CSMD3: variants seen among roughly 807,000 people sequenced by gnomAD.
The protein encoded by CSMD3 is CUB and sushi domain-containing protein 3.
Under a neutral mutation model 435.2 loss-of-function variants are expected in CSMD3, and 177 were observed. The ratio of observed to expected loss-of-function variants is 0.41; its 90% CI spans 0.36 to 0.46. CSMD3 has a LOEUF of 0.46. Ranked by LOEUF, CSMD3 falls within the 20% of genes least tolerant of loss-of-function variation. The pLI, the probability that CSMD3 is intolerant of heterozygous loss-of-function variation, is 0.34. For missense variants in CSMD3, 4,265 were observed against 4,504.6 expected (o/e 0.95, Z 1.52); for synonymous variants, 1,656 against 1,520.5 (o/e 1.09, Z -2.07).
chr8:112,482,358 TG>T (rs1819706537), intron 31 of CSMD3, among the ~76,000 whole-genome samples: 1 of 152,254 alleles, frequency 6.6e-6, no homozygotes. Flanking sequence ...TGACTCATTT[TG>T]TACCCCAATT....
intron 5 of CSMD3, among the ~76,000 whole-genome samples, chr8:113,059,142 C>G (rs1564265421): frequency 6.6e-6 from 1 of 152,054 alleles, no homozygotes; most frequent in Non-Finnish European, 1.5e-5. Flanking sequence ...TAGAAACTGA[C>G]AGTAAAAACG....
intron 1 of CSMD3, among the ~76,000 whole-genome samples, chr8:113,352,011 G>A (rs1379798490): frequency 6.6e-6 from 1 of 152,040 alleles, no homozygotes; most frequent in Admixed American, 6.6e-5. Flanking sequence ...ATGAATGTCT[G>A]TCTCATCTAG....
chr8:112,709,821 T>C (rs898849919), intron 13 of CSMD3, among the ~76,000 whole-genome samples: 1 of 151,962 alleles, frequency 6.6e-6, no homozygotes, highest in South Asian at 2.1e-4. Flanking sequence ...TTAGGGTTAG[T>C]GTTAGGGTTT....
At position 113,002,150 on chromosome 8, in the gene CSMD3, A is replaced by G. The variant is rs536075804; in HGVS notation, c.1030+16917T>C. 2.6e-5 allele frequency among the ~76,000 whole-genome samples: 4 copies of G among 152,248 alleles called. No homozygotes were observed. In the East Asian group the frequency reaches 7.8e-4, roughly 30 times the overall value. ...TGGTTTTTAGCACTTTTATTGTGTGAGACAATGTGCAAATTTCCTCGTCTA... is the reference window on the plus strand; with the variant it reads ...TGGTTTTTAGCACTTTTATTGTGTGGGACAATGTGCAAATTTCCTCGTCTA... On this transcript the variant is annotated intron_variant, in intron 6 of 70. Transcript: ENST00000297405.
chr8:112,376,111 C>T (rs149907404), intron 38 of CSMD3, among the ~76,000 whole-genome samples: 5 of 152,106 alleles, frequency 3.3e-5, no homozygotes, highest in African/African-American at 1.2e-4. Flanking sequence ...TTGAAGTATT[C>T]CCTGAATTTC....
chr8:112,335,443 C>A lies in CSMD3; in HGVS notation c.7051G>T (p.Gly2351Cys), dbSNP rs1039206813. 3.7e-6 allele frequency: 6 copies of A among 1,613,872 alleles called. No individual in the cohort carries two copies. The highest frequency in any genetic ancestry group is 2.2e-5 in the East Asian group (1 of 44,836). ...DGPDQNSPQI[G>C]QFSGNTALES... The stretch of plus-strand genomic sequence containing the variant: ...AAAGCGGTATTGCCACTGAACTGAC[C>A]GATCTGAGGTGAATTTTGGTCTGGT... The change falls in exon 45 of 71, where the codon GGT (glycine) becomes TGT (cysteine). Residue 2351 changes from glycine to cysteine, a missense_variant. Physicochemically the swap from Gly to Cys is radical, Grantham distance 159. Coordinates refer to ENST00000297405, the MANE Select transcript of CSMD3 (RefSeq NM_198123.2).
intron 4 of CSMD3, among the ~76,000 whole-genome samples, chr8:113,123,674 T>A (rs1292288158): frequency 6.6e-6 from 1 of 152,004 alleles, no homozygotes; most frequent in Non-Finnish European, 1.5e-5. Flanking sequence ...GCATCAGGAA[T>A]AAAGAGAGAG....
Position 112,893,968 on chromosome 8 carries a change from G to A in CSMD3, c.1633+27659C>T, listed in dbSNP as rs1420459561. On this transcript the variant is annotated intron_variant, in intron 10 of 70. Coordinates refer to ENST00000297405, the MANE Select transcript of CSMD3 (RefSeq NM_198123.2). ...AGCAGAAATGGGCTACAAAGGCACT[G>A]TGTTGTAACTTGATAAAATAAATAA... is the stretch of plus-strand genomic sequence containing the variant. Among the ~76,000 whole-genome samples, 3 of 38,438 alleles carry A rather than the reference G, an allele frequency of 7.8e-5. No individual in the cohort carries two copies. In the East Asian group the frequency reaches 0.014, roughly 176 times the overall value. 25.2% of individuals were successfully genotyped at this position (38,438 alleles called of 152,430 possible). A position where few individuals can be genotyped will look rare whatever the true frequency, so the allele number is the denominator to read the frequency against.
intron 25 of CSMD3, among the ~76,000 whole-genome samples, chr8:112,554,533 ATACT>A (rs2131212964): frequency 6.6e-6 from 1 of 152,042 alleles, no homozygotes; most frequent in Admixed American, 6.6e-5. Context: ...AACAGAGTTG[ATACT>A]TATTCTTCTT....
chr8:112,390,919 T>C, intron 35 of CSMD3, 131 bp from the exon 36 acceptor site: 2 of 863,908 alleles, frequency 2.3e-6, no homozygotes, highest in African/African-American at 1.7e-5. Context: ...TCAAAACTGA[T>C]AAAAGCAATG....
chr8:112,584,333 T>TA (rs1008080967), intron 23 of CSMD3, among the ~76,000 whole-genome samples: 4 of 151,478 alleles, frequency 2.6e-5, no homozygotes, highest in Non-Finnish European at 5.9e-5. Context: ...AATCAAAACT[T>TA]AAAAAAAATC....
intron 13 of CSMD3, among the ~76,000 whole-genome samples, chr8:112,786,937 T>C (rs1348507952): frequency 6.6e-6 from 1 of 152,086 alleles, no homozygotes; most frequent in East Asian, 1.9e-4. Context: ...CCTATGTCCA[T>C]GTGCTCTCGT....
At chr8:112,750,406 A>T (rs908851746) in intron 13 of CSMD3, among the ~76,000 whole-genome samples, 3 of 152,006 alleles carry the variant, frequency 2.0e-5, no homozygotes, top group African/African-American at 7.2e-5. Flanking sequence ...TCAGGCTAAA[A>T]TCCCTGCTTT....
chr8:112,900,341 T>C lies in CSMD3; in HGVS notation c.1633+21286A>G, dbSNP rs374742550. Among the ~76,000 whole-genome samples, 8 of 151,376 alleles carry C rather than the reference T, an allele frequency of 5.3e-5. No individual in the cohort carries two copies. The South Asian group carries it at 1.7e-3, about 31-fold the overall frequency. ...CTTAGTAGAGAAAATGACAGAGGCA[T>C]TTAAATTTTGGAAGATGAGATGTGT... On this transcript the variant is annotated intron_variant, in intron 10 of 70. Coordinates refer to ENST00000297405, the MANE Select transcript of CSMD3 (RefSeq NM_198123.2).
In CSMD3 at chr8:112,453,593, G is replaced by C. The variant is rs1285838633; in HGVS notation, c.5395+18998C>G. Among the ~76,000 whole-genome samples the C allele has an allele frequency of 2.0e-5, 3 of 151,948 alleles. No individual in the cohort carries two copies. The East Asian group carries it at 5.8e-4, about 29-fold the overall frequency. ...TCTCTACAAGGAGAACTACAAAATA[G>C]TGCTGAAATAAGTCACAGATGACAC... On this transcript the variant is annotated intron_variant, in intron 32 of 70. Coordinates refer to ENST00000297405, the MANE Select transcript of CSMD3 (RefSeq NM_198123.2).
intron 1 of CSMD3, among the ~76,000 whole-genome samples, chr8:113,361,351 T>C (rs2094274877): frequency 6.6e-6 from 1 of 152,170 alleles, no homozygotes; most frequent in Non-Finnish European, 1.5e-5. Flanking sequence ...TGCACTCTTG[T>C]AATTAGGTAT....
intron 3 of CSMD3, among the ~76,000 whole-genome samples, chr8:113,238,237 T>G (rs1242944647): frequency 6.6e-6 from 1 of 152,098 alleles, no homozygotes; most frequent in Admixed American, 6.6e-5. Flanking sequence ...GTAGGTTAGA[T>G]AGCTGAACCA....
chr8:112,399,933 C>A (rs1265370877), intron 35 of CSMD3, among the ~76,000 whole-genome samples: 1 of 152,060 alleles, frequency 6.6e-6, no homozygotes, highest in Non-Finnish European at 1.5e-5. Context: ...TCTTCTGAGC[C>A]CTCATCAGAA....
intron 3 of CSMD3, among the ~76,000 whole-genome samples, chr8:113,263,067 G>A (rs1485405251): frequency 6.6e-6 from 1 of 152,000 alleles, no homozygotes; most frequent in Non-Finnish European, 1.5e-5. Context: ...CACAGGGAAA[G>A]GCACAATATA....
Sources: allele counts gnomAD v4.1 joint callset (sites outside exome capture counted in the v4.1 genomes callset), GRCh38; gene constraint gnomAD v4.1.1; transcripts MANE v1.5; gene names NCBI Gene and HGNC (gene_info 2026-07-23, HGNC 2026-07-21).